TNFRSF10D: variants seen among roughly 807,000 people sequenced by gnomAD.
TNFRSF10D encodes tumor necrosis factor receptor superfamily member 10D.
In TNFRSF10D, 28 loss-of-function variants were observed where a neutral mutation model predicts 42.1. The observed-to-expected ratio is 0.66, with a 90% CI of 0.49 to 0.91. The LOEUF is 0.91. TNFRSF10D is among the 40% of genes least tolerant of loss of function. The pLI, the probability that TNFRSF10D is intolerant of heterozygous loss-of-function variation, is 0.00. For synonymous variants in TNFRSF10D, 186 were observed against 189.4 expected (o/e 0.98, Z 0.15); for missense variants, 503 against 486.1 (o/e 1.03, Z -0.33).
chr8:23,143,091 C>T (rs1800056088), intron 7 of TNFRSF10D, among the ~76,000 whole-genome samples: 1 of 152,100 alleles, frequency 6.6e-6, no homozygotes, highest in African/African-American at 2.4e-5. Flanking sequence ...ATTCTCCTGC[C>T]TCAGCCTCCC....
intron 3 of TNFRSF10D, among the ~76,000 whole-genome samples, chr8:23,147,957 C>T (rs11774838): frequency 0.13 from 19,061 of 150,266 alleles, 1,363 homozygotes; most frequent in East Asian, 0.34. Flanking sequence ...CATAGCTACT[C>T]AGGAGGCTGA....
chr8:23,159,516 A>G (rs971680194), intron 1 of TNFRSF10D, among the ~76,000 whole-genome samples: 7 of 152,204 alleles, frequency 4.6e-5, no homozygotes, highest in African/African-American at 7.2e-5. Context: ...AATTCAATAT[A>G]TAAGTAACTG....
intron 7 of TNFRSF10D, among the ~76,000 whole-genome samples, chr8:23,143,572 G>C (rs73546694): frequency 0.033 from 4,971 of 152,028 alleles, 264 homozygotes; most frequent in African/African-American, 0.11. Flanking sequence ...AAAAAAATGG[G>C]GTATAGTTAT....
rs1800097245 is a variant in TNFRSF10D, at chr8:23,145,165, C to T, written c.737-76G>A. ...CTCCCTCCCAGAGGACAGTGGGGCG[C>T]AGGGCTGGCTGGGGGCTGGGACACT... On this transcript the variant is annotated intron_variant, in intron 5 of 8. Coordinates refer to ENST00000312584, the MANE Select transcript of TNFRSF10D (RefSeq NM_003840.5). The T allele has an allele frequency of 3.1e-6, 5 of 1,594,118 alleles. No homozygotes were observed. The South Asian group carries it at 5.5e-5, about 18-fold the overall frequency.
intron 1 of TNFRSF10D, among the ~76,000 whole-genome samples, chr8:23,160,891 C>A (rs748606975): frequency 6.6e-6 from 1 of 152,246 alleles, no homozygotes; most frequent in Non-Finnish European, 1.5e-5. Context: ...GCAGGTAAAC[C>A]AGGCTGTGGC....
chr8:23,136,808 T>TATAA lies in TNFRSF10D; in HGVS notation c.*1058_*1061dup, dbSNP rs1257595192. 6.6e-6 allele frequency: 1 copy of TATAA among 151,830 alleles called. No individual in the cohort carries two copies. Among genetic ancestry groups the TATAA allele is most frequent in the Non-Finnish European group, 1.5e-5 (1 of 67,978 alleles). The allele number at this position is 151,830 out of a possible 1,614,324, so 9.4% of individuals were successfully genotyped here. On this transcript the variant is annotated 3_prime_UTR_variant, in exon 9 of 9. Coordinates refer to ENST00000312584, the MANE Select transcript of TNFRSF10D (RefSeq NM_003840.5). ...ATAAATAAATAAATAAATATTTATT[T>TATAA]ATAAATAAATATGGCTATATACCTC...
At chr8:23,143,108 C>G (rs1585258497) in intron 7 of TNFRSF10D, among the ~76,000 whole-genome samples, 3 of 152,082 alleles carry the variant, frequency 2.0e-5, no homozygotes, top group African/African-American at 7.2e-5. Flanking sequence ...TCCCGAGTAG[C>G]TGGGACTACA....
At chr8:23,150,953 T>C (rs912730029) in intron 2 of TNFRSF10D, among the ~76,000 whole-genome samples, 2 of 151,850 alleles carry the variant, frequency 1.3e-5, no homozygotes, top group African/African-American at 2.4e-5. Context: ...ATTATGGTGG[T>C]CCAAGGAGCA....
rs937068279 is a variant in TNFRSF10D at position 23,148,625 on chromosome 8, C to T, written c.257-74G>A. 3.5e-6 allele frequency: 4 copies of T among 1,129,512 alleles called. No homozygotes were observed. The African/African-American group carries it at 6.1e-5, about 17-fold the overall frequency. 70.0% of individuals were successfully genotyped at this position (1,129,512 alleles called of 1,614,324 possible). ...GAGGCTGACAATGGCTGGCAAATTT[C>T]TCTTTTGGCCCTCAGTGGAATCCAG... On this transcript the variant is annotated intron_variant, in intron 2 of 8. Coordinates refer to ENST00000312584, the MANE Select transcript of TNFRSF10D (RefSeq NM_003840.5).
chr8:23,154,972 A>C lies in TNFRSF10D; in HGVS notation c.158T>G (p.Val53Gly). The C allele has an allele frequency of 6.2e-7, 1 of 1,610,666 alleles. No homozygotes were observed. The highest frequency in any genetic ancestry group is 8.5e-7 in the Non-Finnish European group (1 of 1,178,360). Residue 53 changes from valine (V) to glycine (G), a missense_variant, in exon 2 of 9, where the codon GTT becomes GGT. Physicochemically the swap from Val to Gly is moderately radical, Grantham distance 109. Coordinates refer to ENST00000312584, the MANE Select transcript of TNFRSF10D (RefSeq NM_003840.5). ...FIVAVLLPVR[V>G]DSATIPRQDE... ...CTGCCGGGGGATGGTGGCAGAGTCA[A>C]CCCGGACCTGTGGGGACAAGGCAGA... is the stretch of plus-strand genomic sequence containing the variant.
chr8:23,140,673 G>A (rs1327211752), intron 7 of TNFRSF10D, among the ~76,000 whole-genome samples: 1 of 152,154 alleles, frequency 6.6e-6, no homozygotes, highest in Non-Finnish European at 1.5e-5. Context: ...ACGTGGACTG[G>A]TTTTTCCAGT....
chr8:23,159,621 T>C (rs1402602302), intron 1 of TNFRSF10D, among the ~76,000 whole-genome samples: 2 of 152,162 alleles, frequency 1.3e-5, no homozygotes, highest in African/African-American at 4.8e-5. Flanking sequence ...CCCAGCATTT[T>C]GGAAGGCTGA....
intron 3 of TNFRSF10D, 32 bp from the exon 4 acceptor site, chr8:23,147,104 G>A (rs375708233): frequency 6.3e-7 from 1 of 1,586,202 alleles, no homozygotes; most frequent in South Asian, 1.1e-5. Flanking sequence ...TTGAGAATGT[G>A]TTTCCCTGAC....
intron 7 of TNFRSF10D, among the ~76,000 whole-genome samples, chr8:23,138,778 A>T (rs908484828): frequency 6.6e-6 from 1 of 152,258 alleles, no homozygotes; most frequent in Non-Finnish European, 1.5e-5. Context: ...GGCTGGAAAG[A>T]CATTTGGTAA....
rs1442031044 is a variant in TNFRSF10D, at chr8:23,163,946, G to C, written c.-11C>G. 6.5e-7 allele frequency: 1 copy of C among 1,546,118 alleles called. No homozygotes were observed. The highest frequency in any genetic ancestry group is 8.7e-7 in the Non-Finnish European group (1 of 1,151,564). On this transcript the variant is annotated 5_prime_UTR_variant, in exon 1 of 9. Coordinates refer to ENST00000312584, the MANE Select transcript of TNFRSF10D (RefSeq NM_003840.5). ...TCCCCAAAGTCCCATGAGAAGGGAG[G>C]AGGGTGGATCGAAAGCGCCAAAAAT... is the stretch of plus-strand genomic sequence containing the variant.
chr8:23,151,826 G>A (rs1800215808), intron 2 of TNFRSF10D, among the ~76,000 whole-genome samples: 1 of 152,172 alleles, frequency 6.6e-6, no homozygotes, highest in South Asian at 2.1e-4. Context: ...AAAATGCTTA[G>A]GAATAAATTT....
Position 23,148,571 on chromosome 8 carries a change from T to G in TNFRSF10D, c.257-20A>C. On this transcript the variant is annotated intron_variant, in intron 2 of 8. Transcript: ENST00000312584. ...GAGATCCTGGGAAGGGAGAGAAAAG[T>G]TAATGAATGAGTCACCACAGAATTC... 1 of 1,568,272 alleles carries G rather than the reference T, an allele frequency of 6.4e-7. No individual in the cohort carries two copies. Among genetic ancestry groups the G allele is most frequent in the Non-Finnish European group, 8.8e-7 (1 of 1,141,988 alleles).
rs1454564181 is a variant in TNFRSF10D, at chr8:23,144,691, C to T, written c.769-56G>A. The T allele has an allele frequency of 8.3e-6, 13 of 1,572,802 alleles. No individual in the cohort carries two copies. The East Asian group carries it at 2.9e-4, about 35-fold the overall frequency. Reference sequence around the variant, plus strand: ...ACACCCCGGGCTCAGCTTCAGGGTCCCCAGTACACAGCTGGACCTGCCATC... The same window carrying T: ...ACACCCCGGGCTCAGCTTCAGGGTCTCCAGTACACAGCTGGACCTGCCATC... On this transcript the variant is annotated intron_variant, in intron 6 of 8. Coordinates refer to ENST00000312584, the MANE Select transcript of TNFRSF10D (RefSeq NM_003840.5).
At chr8:23,147,383 G>C (rs1369982875) in intron 3 of TNFRSF10D, among the ~76,000 whole-genome samples, 1 of 152,202 alleles carries the variant, frequency 6.6e-6, no homozygotes, top group African/African-American at 2.4e-5. Flanking sequence ...GGGCCCTTGG[G>C]GGACTTCCCA....
Sources: gnomAD v4.1 joint callset for allele counts (sites outside exome capture counted in the v4.1 genomes callset) on GRCh38, gnomAD v4.1.1 for gene constraint, MANE v1.5 for transcripts, NCBI Gene and HGNC (gene_info 2026-07-23, HGNC 2026-07-21) for gene names.